Variants in SUZ12 observed in about 807,000 individuals in gnomAD.
SUZ12 encodes polycomb protein SUZ12.
In SUZ12, 17 loss-of-function variants were observed where a neutral mutation model predicts 87.3. The ratio of observed to expected loss-of-function variants is 0.19; its 90% CI spans 0.13 to 0.29. The LOEUF is 0.29. Ranked by LOEUF, SUZ12 falls within the 10% of genes least tolerant of loss-of-function variation. The pLI is 1.00. For missense variants in SUZ12, 526 were observed against 912.2 expected, an observed-to-expected ratio of 0.58 and a Z score of 5.45; for synonymous variants, 253 against 312.4, an observed-to-expected ratio of 0.81 and a Z score of 2.01.
At chr17:31,986,997 G>T (rs1433589083) in intron 9 of SUZ12, among the ~76,000 whole-genome samples, 1 of 152,030 alleles carries the variant, frequency 6.6e-6, no homozygotes, top group Non-Finnish European at 1.5e-5. Flanking sequence ...TCAGAAGCAA[G>T]TAGAACAACT....
At chr17:31,993,387 A>G (rs1387604462) in intron 11 of SUZ12, 54 bp downstream of exon 11, 5 of 1,148,040 alleles carry the variant, frequency 4.4e-6, no homozygotes, top group African/African-American at 1.6e-5. Flanking sequence ...TGTTTTTTGT[A>G]TGTCAAACAT....
intron 4 of SUZ12, among the ~76,000 whole-genome samples, chr17:31,957,197 C>G (rs1907396952): frequency 6.6e-6 from 1 of 151,954 alleles, no homozygotes; most frequent in African/African-American, 2.4e-5. Context: ...ATCCTCTCTC[C>G]TCAGCCTCTT....
At chr17:31,970,564 G>A (rs914597239) in intron 5 of SUZ12, among the ~76,000 whole-genome samples, 1 of 152,032 alleles carries the variant, frequency 6.6e-6, no homozygotes, top group Non-Finnish European at 1.5e-5. Flanking sequence ...GGAGGTGCAG[G>A]CTGCAGGGAG....
At chr17:31,990,954 C>T (rs1348196198) in intron 10 of SUZ12, among the ~76,000 whole-genome samples, 1 of 151,982 alleles carries the variant, frequency 6.6e-6, no homozygotes, top group Non-Finnish European at 1.5e-5. Flanking sequence ...TTGCCATCAC[C>T]CATGCTGGTC....
intron 5 of SUZ12, among the ~76,000 whole-genome samples, chr17:31,970,667 G>A (rs1031540660): frequency 6.6e-6 from 1 of 152,052 alleles, no homozygotes; most frequent in African/African-American, 2.4e-5. Context: ...GGTGGCTTGT[G>A]CCTGTAGTCT....
At chr17:31,945,997 T>C (rs1291703281) in intron 3 of SUZ12, among the ~76,000 whole-genome samples, 2 of 152,184 alleles carry the variant, frequency 1.3e-5, no homozygotes, top group Non-Finnish European at 2.9e-5. Flanking sequence ...ATTGAAAATA[T>C]ATTGCCATCC....
chr17:31,981,025 C>CA (rs1036267583), intron 8 of SUZ12, among the ~76,000 whole-genome samples: 345 of 134,940 alleles, frequency 2.6e-3, no homozygotes, highest in Non-Finnish European at 3.6e-3. Context: ...CAGCGACTGT[C>CA]AAAAAAAAAA....
chr17:31,941,751 G>A, intron 3 of SUZ12, among the ~76,000 whole-genome samples: 1 of 151,688 alleles, frequency 6.6e-6, no homozygotes, highest in African/African-American at 2.4e-5. Flanking sequence ...GGGTTTCTCT[G>A]TGTTAGCCAG....
At chr17:31,965,468 A>G (rs138368640) in intron 4 of SUZ12, among the ~76,000 whole-genome samples, 319 of 152,326 alleles carry the variant, frequency 2.1e-3, no homozygotes, top group African/African-American at 7.4e-3. Context: ...TAGAAGGAGC[A>G]CTAGTTCTAG....
chr17:31,981,645 T>A (rs1019959179), intron 8 of SUZ12, among the ~76,000 whole-genome samples: 1 of 151,824 alleles, frequency 6.6e-6, no homozygotes, highest in African/African-American at 2.4e-5. Context: ...GCTGATGTAC[T>A]ATTGAAGTTG....
At chr17:31,979,127 AATT>A (rs1567830347) in intron 8 of SUZ12, among the ~76,000 whole-genome samples, 13 of 123,036 alleles carry the variant, frequency 1.1e-4, no homozygotes, top group Admixed American at 2.9e-4. Flanking sequence ...AAAAAAAAAG[AATT>A]CAAAACGATA....
At position 31,975,612 on chromosome 17, in the gene SUZ12, A is replaced by G. The variant is rs780604034; in HGVS notation, c.722A>G (p.Asn241Ser). The change falls in exon 7 of 16, where the codon AAC (asparagine) becomes AGC (serine). Residue 241 changes from asparagine to serine, a missense_variant. Asn to Ser is a conservative substitution (Grantham distance 46). Coordinates refer to ENST00000322652, the MANE Select transcript of SUZ12 (RefSeq NM_015355.4). ...TCCAGTAATGAATTTGAACCTAGTA[A>G]CAGCCATATGGTGAAGTCTTACTCG... is the stretch of plus-strand genomic sequence containing the variant. ...AVSSNEFEPS[N>S]SHMVKSYSLL... The G allele has an allele frequency of 2.4e-5, 39 of 1,613,938 alleles. No individual in the cohort carries two copies. The highest frequency in any genetic ancestry group is 3.1e-5 in the Non-Finnish European group (37 of 1,179,974).
At position 31,999,338 on chromosome 17, in the gene SUZ12, T is replaced by C; in HGVS notation, c.*335T>C. The C allele has an allele frequency of 8.4e-6, 2 of 238,230 alleles. No homozygotes were observed. Among genetic ancestry groups the C allele is most frequent in the East Asian group, 1.2e-4 (2 of 16,406 alleles). 14.8% of individuals were successfully genotyped at this position (238,230 alleles called of 1,614,324 possible). On this transcript the variant is annotated 3_prime_UTR_variant, in exon 16 of 16. Coordinates refer to ENST00000322652, the MANE Select transcript of SUZ12 (RefSeq NM_015355.4). Reference sequence around the variant, plus strand: ...ATAAATCAGAATTTTTTTGCATTTATGAACGGCTGTTTTTCTACTTTGTAA... The same window carrying C: ...ATAAATCAGAATTTTTTTGCATTTACGAACGGCTGTTTTTCTACTTTGTAA...
chr17:31,983,273 TC>T (rs561295263), intron 9 of SUZ12, among the ~76,000 whole-genome samples, 169 bp downstream of exon 9: 3 of 145,016 alleles, frequency 2.1e-5, no homozygotes, highest in South Asian at 2.2e-4. Context: ...AAGGTATCAT[TC>T]TTTTTTTTTT....
intron 8 of SUZ12, among the ~76,000 whole-genome samples, chr17:31,980,455 TTTTTTTTTTTTG>T: frequency 1.1e-5 from 1 of 92,282 alleles, no homozygotes. Context: ...TTTTTTTTTT[TTTTTTTTTTTTG>T]AGACGGAGTT....
At chr17:31,973,539 T>C (rs1256770468) in intron 6 of SUZ12, among the ~76,000 whole-genome samples, 1 of 152,348 alleles carries the variant, frequency 6.6e-6, no homozygotes, top group African/African-American at 2.4e-5. Context: ...GCGTATTTCT[T>C]AGCTGTTTGT....
At chr17:31,998,103 G>A (rs1463281788) in intron 15 of SUZ12, among the ~76,000 whole-genome samples, 4 of 144,340 alleles carry the variant, frequency 2.8e-5, no homozygotes, top group Non-Finnish European at 4.5e-5. Flanking sequence ...TTTTTGAGAC[G>A]GAGTCTCTCT....
Position 31,937,124 on chromosome 17 carries a change from CCT to C in SUZ12, c.-117_-116del. The C allele has an allele frequency of 2.4e-6, 2 of 826,322 alleles. No individual in the cohort carries two copies. Among genetic ancestry groups the C allele is most frequent in the Non-Finnish European group, 3.4e-6 (2 of 589,324 alleles). The allele number at this position is 826,322 out of a possible 1,614,324, so 51.2% of individuals were successfully genotyped here. ...CCTCCCTTCCCTTCCCCTCTCCTCC[CCT>C]CTCTCCTCCTTCCCCCCTCGGTCCG... On this transcript the variant is annotated 5_prime_UTR_variant, in exon 1 of 16. Transcript: ENST00000322652.
At chr17:31,960,549 A>G (rs1009693681) in intron 4 of SUZ12, among the ~76,000 whole-genome samples, 9 of 151,858 alleles carry the variant, frequency 5.9e-5, no homozygotes, top group African/African-American at 2.2e-4. Context: ...AATCATGCAT[A>G]GCAAGTCACA....
Sources: gnomAD v4.1 joint callset for allele counts (sites outside exome capture counted in the v4.1 genomes callset) on GRCh38, gnomAD v4.1.1 for gene constraint, MANE v1.5 for transcripts, NCBI Gene and HGNC (gene_info 2026-07-23, HGNC 2026-07-21) for gene names.